The following ATP8A1 variants were observed in gnomAD, a reference collection of about 807,000 sequenced individuals.
ATP8A1 encodes the protein phospholipid-transporting ATPase IA.
Under a neutral mutation model 177.7 loss-of-function variants are expected in ATP8A1, and 90 were observed. The observed-to-expected ratio is 0.51, with a 90% CI of 0.43 to 0.60. The LOEUF is 0.60. Ranked by LOEUF, ATP8A1 falls within the 20% of genes least tolerant of loss-of-function variation. The pLI, the probability that ATP8A1 is intolerant of heterozygous loss-of-function variation, is 0.00. For synonymous variants in ATP8A1, 493 were observed against 485.9 expected (o/e 1.01, Z -0.19); for missense variants, 1,072 against 1,392.8 (o/e 0.77, Z 3.67).
Position 42,537,138 on chromosome 4 carries a change from A to AAAAAAAAAC in ATP8A1, c.1722+6770_1722+6778dup, listed in dbSNP as rs1212887107. ...AAAGAGCGAAACTCCGTCTCAAAAA[A>AAAAAAAAAC]AAAAAAAACAAAAAAACCAAAAAAA... is the stretch of plus-strand genomic sequence containing the variant. On this transcript the variant is annotated intron_variant, in intron 20 of 36. Transcript: ENST00000381668. Among the ~76,000 whole-genome samples, 3 of 145,910 alleles carry AAAAAAAAAC rather than the reference A, an allele frequency of 2.1e-5. No individual in the cohort carries two copies. In the Admixed American group the frequency reaches 2.1e-4, roughly 10 times the overall value.
At position 42,657,002 on chromosome 4, in the gene ATP8A1, G is replaced by A. The variant is rs916512271; in HGVS notation, c.-129C>T. The A allele has an allele frequency of 2.6e-5, 26 of 1,007,014 alleles. No homozygotes were observed. Among genetic ancestry groups the A allele is most frequent in the Non-Finnish European group, 3.3e-5 (26 of 777,342 alleles). 62.4% of individuals were successfully genotyped at this position (1,007,014 alleles called of 1,614,324 possible). On this transcript the variant is annotated 5_prime_UTR_variant, in exon 1 of 37. Transcript: ENST00000381668. Reference sequence around the variant, plus strand: ...CCTGGGCCGCGCCGCCGCCCACCTAGGGCAGAGCTGCCGCCGGGCGCGGCC... The same window carrying A: ...CCTGGGCCGCGCCGCCGCCCACCTAAGGCAGAGCTGCCGCCGGGCGCGGCC...
intron 20 of ATP8A1, among the ~76,000 whole-genome samples, chr4:42,527,844 C>A (rs1726838044): frequency 6.6e-6 from 1 of 152,172 alleles, no homozygotes; most frequent in South Asian, 2.1e-4. Context: ...AGACCCAGAA[C>A]CCCTTGAATG....
chr4:42,638,737 T>C (rs141508341), intron 1 of ATP8A1, among the ~76,000 whole-genome samples: 40 of 152,202 alleles, frequency 2.6e-4, no homozygotes, highest in African/African-American at 8.2e-4. Flanking sequence ...AACATAGATG[T>C]TTAAAAATTG....
intron 1 of ATP8A1, among the ~76,000 whole-genome samples, chr4:42,650,296 T>C (rs1042104313): frequency 9.9e-5 from 15 of 152,224 alleles, no homozygotes; most frequent in African/African-American, 2.9e-4. Flanking sequence ...CAAATATTGA[T>C]GACATGCTGT....
intron 24 of ATP8A1, among the ~76,000 whole-genome samples, chr4:42,499,815 C>T (rs925053961): frequency 3.3e-5 from 5 of 152,118 alleles, no homozygotes; most frequent in Non-Finnish European, 7.3e-5. Flanking sequence ...AAACTGGGAG[C>T]CAAAGATGGG....
intron 1 of ATP8A1, among the ~76,000 whole-genome samples, chr4:42,654,061 T>C (rs1041522753): frequency 5.9e-5 from 9 of 152,154 alleles, no homozygotes; most frequent in African/African-American, 2.2e-4. Context: ...CTGGCCCCAC[T>C]CCAGACCTCC....
intron 25 of ATP8A1, among the ~76,000 whole-genome samples, chr4:42,482,748 C>A (rs1721823780): frequency 6.6e-6 from 1 of 152,170 alleles, no homozygotes; most frequent in African/African-American, 2.4e-5. Flanking sequence ...CATGGAGACT[C>A]ATTATCTGTT....
intron 14 of ATP8A1, among the ~76,000 whole-genome samples, chr4:42,569,921 C>A (rs946903513): frequency 2.6e-5 from 4 of 152,124 alleles, no homozygotes; most frequent in South Asian, 2.1e-4. Flanking sequence ...TTGGAAGGGG[C>A]CCATAATACA....
intron 5 of ATP8A1, among the ~76,000 whole-genome samples, chr4:42,603,456 G>GT (rs975853870): frequency 8.6e-5 from 13 of 151,910 alleles, no homozygotes; most frequent in Admixed American, 5.2e-4. Context: ...TTTGGGTATG[G>GT]TTTTTTTAAC....
At chr4:42,525,193 A>G (rs1726554910) in intron 20 of ATP8A1, among the ~76,000 whole-genome samples, 2 of 152,214 alleles carry the variant, frequency 1.3e-5, no homozygotes, top group African/African-American at 4.8e-5. Flanking sequence ...GCTGCAAGGA[A>G]GAACGGTCCA....
At chr4:42,596,144 A>G (rs879661201) in intron 6 of ATP8A1, among the ~76,000 whole-genome samples, 3 of 152,184 alleles carry the variant, frequency 2.0e-5, no homozygotes, top group Admixed American at 6.5e-5. Flanking sequence ...TAGTGTGTGC[A>G]TAAGAGGAAC....
chr4:42,511,270 T>C (rs1724976644), intron 22 of ATP8A1, among the ~76,000 whole-genome samples: 1 of 152,198 alleles, frequency 6.6e-6, no homozygotes, highest in African/African-American at 2.4e-5. Context: ...ATTTGAACTT[T>C]GCGTGCTTTT....
intron 1 of ATP8A1, among the ~76,000 whole-genome samples, chr4:42,636,157 C>CACACGCGCGT (rs1553920762): frequency 6.6e-5 from 1 of 15,082 alleles, no homozygotes; most frequent in South Asian, 1.8e-3. Flanking sequence ...CACACACACA[C>CACACGCGCGT]GCACACACAC....
In ATP8A1 at chr4:42,473,026, G is replaced by A. The variant is rs185902159; in HGVS notation, c.2325-7950C>T. Among the ~76,000 whole-genome samples the A allele has an allele frequency of 8.5e-4, 130 of 152,294 alleles. 1 individual carries two copies. The highest frequency in any genetic ancestry group is 6.6e-4 in the Non-Finnish European group (45 of 68,016). ...TTGACAGCGGAAAAGTATCAGGGAAGTTCTAGATACTCAGAAGTTTAGATA... is the reference window on the plus strand; with the variant it reads ...TTGACAGCGGAAAAGTATCAGGGAAATTCTAGATACTCAGAAGTTTAGATA... On this transcript the variant is annotated intron_variant, in intron 25 of 36. Coordinates refer to ENST00000381668, the MANE Select transcript of ATP8A1 (RefSeq NM_006095.2).
chr4:42,553,458 T>C (rs969634184), intron 16 of ATP8A1, among the ~76,000 whole-genome samples: 4 of 152,210 alleles, frequency 2.6e-5, no homozygotes, highest in Non-Finnish European at 5.9e-5. Context: ...CAGGGGACTC[T>C]TACAGCCTGA....
At chr4:42,446,098 A>AAAAG (rs1553874360) in intron 31 of ATP8A1, among the ~76,000 whole-genome samples, 7 of 146,982 alleles carry the variant, frequency 4.8e-5, no homozygotes, top group African/African-American at 1.5e-4. Context: ...AAAAAAAAAA[A>AAAAG]AGAGAAGAGA....
chr4:42,636,152 ACACACG>A lies in ATP8A1; in HGVS notation c.50-9049_50-9044del, dbSNP rs1372560450. On this transcript the variant is annotated intron_variant, in intron 1 of 36. Coordinates refer to ENST00000381668, the MANE Select transcript of ATP8A1 (RefSeq NM_006095.2). Reference sequence around the variant, plus strand: ...CACACACACACACACACACACACACACACACGCACACACACACACATAAGCTTCTTA... The same window carrying A: ...CACACACACACACACACACACACACACACACACACACACATAAGCTTCTTA... 9.8e-3 allele frequency among the ~76,000 whole-genome samples: 331 copies of A among 33,760 alleles called. 6 individuals are homozygous for A. Among genetic ancestry groups the A allele is most frequent in the African/African-American group, 0.018 (278 of 15,570 alleles). The allele number at this position is 33,760 out of a possible 152,430, so 22.1% of individuals were successfully genotyped here.
At chr4:42,585,335 T>C (rs533077458) in intron 9 of ATP8A1, among the ~76,000 whole-genome samples, 2 of 151,856 alleles carry the variant, frequency 1.3e-5, no homozygotes, top group South Asian at 4.2e-4. Flanking sequence ...GTTTGTATGT[T>C]TGCCATTACC....
At chr4:42,590,346 C>T (rs1560494232) in intron 7 of ATP8A1, among the ~76,000 whole-genome samples, 1 of 152,058 alleles carries the variant, frequency 6.6e-6, no homozygotes, top group Non-Finnish European at 1.5e-5. Flanking sequence ...TAGTCACAAT[C>T]GCTGGAAGGA....
Sources: allele counts gnomAD v4.1 joint callset (sites outside exome capture counted in the v4.1 genomes callset), GRCh38; gene constraint gnomAD v4.1.1; transcripts MANE v1.5; gene names NCBI Gene and HGNC (gene_info 2026-07-23, HGNC 2026-07-21).